Variants in RGL1 observed in about 807,000 individuals in gnomAD.
RGL1 encodes ral guanine nucleotide dissociation stimulator like 1, also known as ral guanine nucleotide dissociation stimulator-like 1.
RGL1 carries 24 observed loss-of-function variants against 95.2 expected under a neutral mutation model. That is an observed-to-expected ratio of 0.25 (90% CI 0.18 to 0.35). The LOEUF is 0.35. RGL1 is among the 10% of genes least tolerant of loss of function. The probability of loss-of-function intolerance (pLI) is 1.00; values close to 1 mark genes in which losing one functional copy is unlikely to be tolerated. For missense variants in RGL1, 715 were observed against 936.3 expected (o/e 0.76, Z 3.08); for synonymous variants, 329 against 344.9 (o/e 0.95, Z 0.51).
chr1:183,905,489 A>C (rs372739599), intron 13 of RGL1, among the ~76,000 whole-genome samples: 1 of 152,224 alleles, frequency 6.6e-6, no homozygotes, highest in Non-Finnish European at 1.5e-5. Flanking sequence ...AAAGGCATTA[A>C]TATTTAGGCT....
At chr1:183,906,968 A>T in intron 13 of RGL1, 44 bp from the exon 14 acceptor site, 2 of 1,109,234 alleles carry the variant, frequency 1.8e-6, no homozygotes, top group Middle Eastern at 1.9e-4. Flanking sequence ...TGTGTTTTTC[A>T]ATTCTCTAAC....
chr1:183,791,971 T>C (rs1297716449), intron 2 of RGL1, among the ~76,000 whole-genome samples: 2 of 152,204 alleles, frequency 1.3e-5, no homozygotes, highest in Non-Finnish European at 2.9e-5. Flanking sequence ...TATATGTATG[T>C]ACTAACTTAG....
intron 1 of RGL1, among the ~76,000 whole-genome samples, chr1:183,704,141 A>G (rs578247521): frequency 6.6e-6 from 1 of 152,278 alleles, no homozygotes; most frequent in South Asian, 2.1e-4. Flanking sequence ...TGGCTACCTA[A>G]TCTGCTAGTG....
chr1:183,776,077 C>T (rs1460446932), intron 2 of RGL1, among the ~76,000 whole-genome samples: 1 of 150,304 alleles, frequency 6.7e-6, no homozygotes, highest in Non-Finnish European at 1.5e-5. Context: ...AGTTGAGTTA[C>T]ATTTGTTGAG....
chr1:183,717,198 T>G (rs1353734866), intron 1 of RGL1, among the ~76,000 whole-genome samples: 1 of 152,200 alleles, frequency 6.6e-6, no homozygotes, highest in Non-Finnish European at 1.5e-5. Context: ...AAGAATTTTG[T>G]TAGTTCTTCT....
At chr1:183,638,305 T>G (rs542283261) in intron 1 of RGL1, among the ~76,000 whole-genome samples, 1 of 152,324 alleles carries the variant, frequency 6.6e-6, no homozygotes, top group East Asian at 1.9e-4. Flanking sequence ...CAAATAATGC[T>G]TATTGCATTT....
In RGL1 at chr1:183,872,920, G is replaced by A. The variant is rs115960777; in HGVS notation, c.425+6847G>A. Among the ~76,000 whole-genome samples the A allele has an allele frequency of 9.2e-3, 1,402 of 152,034 alleles. 21 individuals are homozygous for A. The highest frequency in any genetic ancestry group is 0.033 in the African/African-American group (1,350 of 41,334). On this transcript the variant is annotated intron_variant, in intron 4 of 17. Transcript: ENST00000360851. ...AGAATTAAAAGTTATAATGTGAAAG[G>A]AATTTTTTTTAAAGTGAAACAAAAG...
At chr1:183,715,364 G>A (rs893010551) in intron 1 of RGL1, among the ~76,000 whole-genome samples, 8 of 151,890 alleles carry the variant, frequency 5.3e-5, no homozygotes, top group African/African-American at 1.7e-4. Context: ...TCACCTCATT[G>A]TTGGTGAACT....
At chr1:183,922,520 C>T (rs140269814) in intron 17 of RGL1, among the ~76,000 whole-genome samples, 184 bp downstream of exon 17, 1 of 152,182 alleles carries the variant, frequency 6.6e-6, no homozygotes, top group African/African-American at 2.4e-5. Context: ...TTAAGTATCT[C>T]AAACCGCTCT....
intron 3 of RGL1, among the ~76,000 whole-genome samples, chr1:183,853,315 C>T (rs182219197): frequency 2.6e-5 from 4 of 151,984 alleles, no homozygotes; most frequent in South Asian, 2.1e-4. Flanking sequence ...GGTAACAAAG[C>T]GAGACCCTGT....
chr1:183,883,876 A>G lies in RGL1; in HGVS notation c.701A>G (p.Asp234Gly), dbSNP rs1270972710. Reference protein sequence around the residue: ...ESAEFTCFSEDLVAEQLTYMD... With the variant: ...ESAEFTCFSEGLVAEQLTYMD... ...GCAGAATTCACGTGCTTCTCAGAAG[A>G]TCTCGTGGCAGAGCAGCTGACCTAC... The change falls in exon 6 of 18, where the codon GAT becomes GGT. Residue 234 changes from aspartate (D) to glycine (G), a missense_variant. Asp to Gly is a moderately conservative substitution (Grantham distance 94). Around this residue, in one of 3 missense-constraint regions of RGL1, gnomAD observed 381 missense variants for 484.8 expected, o/e 0.79. Coordinates refer to ENST00000360851, the MANE Select transcript of RGL1 (RefSeq NM_001297671.3). The G allele has an allele frequency of 1.2e-6, 2 of 1,614,104 alleles. No individual in the cohort carries two copies. The highest frequency in any genetic ancestry group is 1.7e-6 in the Non-Finnish European group (2 of 1,179,916).
chr1:183,665,138 G>A (rs1400904514), intron 1 of RGL1, among the ~76,000 whole-genome samples: 1 of 152,052 alleles, frequency 6.6e-6, no homozygotes, highest in Non-Finnish European at 1.5e-5. Flanking sequence ...TCATTGATAT[G>A]TGGAAAAATC....
chr1:183,656,346 A>T (rs1651163415), intron 1 of RGL1, among the ~76,000 whole-genome samples: 1 of 152,152 alleles, frequency 6.6e-6, no homozygotes, highest in Non-Finnish European at 1.5e-5. Context: ...AAAGGTGGGG[A>T]ATTGTTAAAT....
intron 2 of RGL1, among the ~76,000 whole-genome samples, chr1:183,837,135 T>G (rs1558238435): frequency 6.6e-6 from 1 of 152,194 alleles, no homozygotes; most frequent in Non-Finnish European, 1.5e-5. Context: ...GTACTCTCCC[T>G]GGAGGATTGG....
chr1:183,880,139 TTATGCATTTATC>T (rs1666739769), intron 4 of RGL1, among the ~76,000 whole-genome samples: 1 of 152,240 alleles, frequency 6.6e-6, no homozygotes, highest in African/African-American at 2.4e-5. Flanking sequence ...CAACTTGAAT[TTATGCATTTATC>T]TTTCCACACT....
chr1:183,706,956 A>G (rs1654952849), intron 1 of RGL1, among the ~76,000 whole-genome samples: 1 of 152,162 alleles, frequency 6.6e-6, no homozygotes, highest in Non-Finnish European at 1.5e-5. Flanking sequence ...CTAGGTTGGT[A>G]TACTTTCTCA....
At chr1:183,903,187 G>A (rs1668122899) in intron 12 of RGL1, among the ~76,000 whole-genome samples, 1 of 152,000 alleles carries the variant, frequency 6.6e-6, no homozygotes, top group East Asian at 1.9e-4. Flanking sequence ...AAGGATAAGG[G>A]GTTTCTGATG....
At position 183,721,974 on chromosome 1, in the gene RGL1, C is replaced by T. The variant is rs150832363; in HGVS notation, c.-32-20152C>T. Among the ~76,000 whole-genome samples, 11 of 152,338 alleles carry T rather than the reference C, an allele frequency of 7.2e-5. 1 individual carries two copies. In the East Asian group the frequency reaches 2.1e-3, roughly 29 times the overall value. On this transcript the variant is annotated intron_variant, in intron 1 of 18. Coordinates refer to the RGL1 transcript ENST00000304685. ...TATTTCATTCACCATTGTGATTCAG[C>T]ATCTGTGGATTGCAGTTGCAAGCAT...
intron 1 of RGL1, among the ~76,000 whole-genome samples, chr1:183,660,933 C>T (rs575052869): frequency 3.0e-4 from 46 of 152,110 alleles, no homozygotes; most frequent in Non-Finnish European, 5.1e-4. Context: ...ACATGGAAAC[C>T]GAACAACCTG....
Sources: allele counts gnomAD v4.1 joint callset (sites outside exome capture counted in the v4.1 genomes callset), GRCh38; gene constraint gnomAD v4.1.1; regional missense constraint gnomAD v4.1.1; transcripts MANE v1.5; gene names NCBI Gene and HGNC (gene_info 2026-07-23, HGNC 2026-07-21).